FSTL5: variants seen among roughly 807,000 people sequenced by gnomAD.
The protein encoded by FSTL5 is follistatin-related protein 5.
FSTL5 carries 62 observed loss-of-function variants against 89.1 expected under a neutral mutation model. The ratio of observed to expected loss-of-function variants is 0.70; its 90% confidence interval spans 0.57 to 0.86. FSTL5 has a LOEUF of 0.86. Among genes scored for constraint, FSTL5 ranks in the 40% least tolerant of loss-of-function variants. The probability of loss-of-function intolerance (pLI) is 0.00; values close to 1 mark genes in which losing one functional copy is unlikely to be tolerated. For synonymous variants in FSTL5, 383 were observed against 346.2 expected, an observed-to-expected ratio of 1.11 and a Z score of -1.18; for missense variants, 1,057 against 1,001.6, an observed-to-expected ratio of 1.06 and a Z score of -0.75.
chr4:161,663,154 C>T (rs1274229681), intron 6 of FSTL5, among the ~76,000 whole-genome samples: 1 of 152,078 alleles, frequency 6.6e-6, no homozygotes, highest in Non-Finnish European at 1.5e-5. Context: ...TGGGTAGGGA[C>T]ACAGCCAAAT....
chr4:162,017,298 C>T (rs922650953), intron 3 of FSTL5, among the ~76,000 whole-genome samples: 21 of 152,148 alleles, frequency 1.4e-4, no homozygotes, highest in African/African-American at 4.8e-4. Flanking sequence ...TTCTTTACAA[C>T]ATCTCTACCT....
chr4:162,004,051 C>T (rs6855413), intron 3 of FSTL5, among the ~76,000 whole-genome samples: 5,593 of 152,168 alleles, frequency 0.037, 152 homozygotes, highest in South Asian at 0.088. Flanking sequence ...CTTCATAATA[C>T]GGCAGGTTAA....
At chr4:162,162,420 C>G (rs1307380443) in intron 1 of FSTL5, among the ~76,000 whole-genome samples, 2 of 151,972 alleles carry the variant, frequency 1.3e-5, no homozygotes, top group Non-Finnish European at 2.9e-5. Flanking sequence ...AACCTAAACT[C>G]TCTCTCTCTG....
At chr4:161,926,508 T>C (rs1352009077) in intron 3 of FSTL5, among the ~76,000 whole-genome samples, 1 of 151,644 alleles carries the variant, frequency 6.6e-6, no homozygotes, top group Non-Finnish European at 1.5e-5. Context: ...TAATTTCTGT[T>C]TCATGTTAAT....
intron 2 of FSTL5, among the ~76,000 whole-genome samples, chr4:162,074,704 A>T (rs1022415069): frequency 1.3e-5 from 2 of 151,792 alleles, no homozygotes; most frequent in African/African-American, 4.8e-5. Context: ...ATATGTATAC[A>T]TTGTGGGATG....
At chr4:161,621,774 G>C (rs575166644) in intron 7 of FSTL5, among the ~76,000 whole-genome samples, 1 of 149,256 alleles carries the variant, frequency 6.7e-6, no homozygotes, top group East Asian at 2.0e-4. Flanking sequence ...CTGAGGCCAG[G>C]AGTTCGAGAC....
At chr4:161,671,445 A>G (rs1435946075) in intron 6 of FSTL5, among the ~76,000 whole-genome samples, 1 of 152,186 alleles carries the variant, frequency 6.6e-6, no homozygotes, top group Non-Finnish European at 1.5e-5. Flanking sequence ...AGTTGCCGCT[A>G]AGACCTACGG....
intron 6 of FSTL5, among the ~76,000 whole-genome samples, chr4:161,738,550 A>G (rs1331823990): frequency 6.6e-6 from 1 of 150,398 alleles, no homozygotes; most frequent in Admixed American, 6.6e-5. Flanking sequence ...AGCTGGATTA[A>G]AAATGACCCA....
chr4:161,574,790 T>C (rs1733154093), intron 8 of FSTL5, among the ~76,000 whole-genome samples: 2 of 152,292 alleles, frequency 1.3e-5, no homozygotes, highest in South Asian at 4.1e-4. Flanking sequence ...CTATTGTAAA[T>C]AGTGCTCCAA....
At chr4:162,020,416 G>A (rs940637841) in intron 3 of FSTL5, among the ~76,000 whole-genome samples, 2 of 151,898 alleles carry the variant, frequency 1.3e-5, no homozygotes, top group African/African-American at 4.8e-5. Flanking sequence ...CACATATTAA[G>A]GCACTCAATA....
At position 161,659,778 on chromosome 4, in the gene FSTL5, A is replaced by G. The variant is rs570414628; in HGVS notation, c.728-3284T>C. Among the ~76,000 whole-genome samples, 4 of 152,326 alleles carry G rather than the reference A, an allele frequency of 2.6e-5. No homozygotes were observed. The South Asian group carries it at 8.3e-4, about 32-fold the overall frequency. On this transcript the variant is annotated intron_variant, in intron 6 of 15. Transcript: ENST00000306100. Reference sequence around the variant, plus strand: ...AAGAATTTTGAAACAAAATATTGAAAACAATCTTTTATTAACTATGGTTAA... The same window carrying G: ...AAGAATTTTGAAACAAAATATTGAAGACAATCTTTTATTAACTATGGTTAA...
At chr4:161,597,522 T>C (rs1363004581) in intron 7 of FSTL5, among the ~76,000 whole-genome samples, 1 of 150,948 alleles carries the variant, frequency 6.6e-6, no homozygotes, top group Non-Finnish European at 1.5e-5. Flanking sequence ...GAGATATACC[T>C]AATGTAAATG....
At chr4:161,868,100 T>C (rs1365259136) in intron 4 of FSTL5, among the ~76,000 whole-genome samples, 1 of 151,400 alleles carries the variant, frequency 6.6e-6, no homozygotes, top group Middle Eastern at 3.2e-3. Context: ...TAATTAAATA[T>C]GTAAATGTTT....
chr4:162,143,785 TACACACACACACACACACACACAC>T (rs70946245), intron 1 of FSTL5, among the ~76,000 whole-genome samples: 1 of 138,554 alleles, frequency 7.2e-6, no homozygotes, highest in African/African-American at 2.7e-5. Flanking sequence ...TGACTTTAAA[TACACACACACACACACACACACAC>T]ACACACACAC....
At chr4:161,623,774 C>T (rs1043393325) in intron 7 of FSTL5, among the ~76,000 whole-genome samples, 1 of 151,816 alleles carries the variant, frequency 6.6e-6, no homozygotes, top group East Asian at 1.9e-4. Context: ...AAAAAGCCTA[C>T]CGCTTTTTCA....
chr4:162,127,274 C>T (rs1241429165), intron 1 of FSTL5, among the ~76,000 whole-genome samples: 1 of 152,146 alleles, frequency 6.6e-6, no homozygotes, highest in East Asian at 1.9e-4. Context: ...TTTTCATTTC[C>T]CCTTTTATAT....
chr4:161,878,923 C>T (rs1357814582), intron 4 of FSTL5, among the ~76,000 whole-genome samples: 1 of 152,108 alleles, frequency 6.6e-6, no homozygotes, highest in Non-Finnish European at 1.5e-5. Context: ...CTACTGGGCT[C>T]AGAAATTTCT....
rs957778090 is a variant in FSTL5 at position 161,892,318 on chromosome 4, G to T, written c.409+28086C>A. ...CTAAATGCTCATTTTGTTATTTAAGGTTAAATTGTTTTAGGGATTAAAATA... is the reference window on the plus strand; with the variant it reads ...CTAAATGCTCATTTTGTTATTTAAGTTTAAATTGTTTTAGGGATTAAAATA... On this transcript the variant is annotated intron_variant, in intron 4 of 15. Coordinates refer to ENST00000306100, the MANE Select transcript of FSTL5 (RefSeq NM_020116.5). 1.8e-4 allele frequency among the ~76,000 whole-genome samples: 28 copies of T among 151,820 alleles called. 1 individual carries two copies. Among genetic ancestry groups the T allele is most frequent in the Non-Finnish European group, 8.8e-5 (6 of 67,864 alleles).
intron 13 of FSTL5, among the ~76,000 whole-genome samples, 196 bp from the exon 14 acceptor site, chr4:161,459,515 T>C (rs1025193365): frequency 6.6e-6 from 1 of 152,114 alleles, no homozygotes; most frequent in African/African-American, 2.4e-5. Context: ...GAATAAAGTA[T>C]TATCTTTCTA....
Sources: gnomAD v4.1 joint callset for allele counts (sites outside exome capture counted in the v4.1 genomes callset) on GRCh38, gnomAD v4.1.1 for gene constraint, MANE v1.5 for transcripts, NCBI Gene and HGNC (gene_info 2026-07-23, HGNC 2026-07-21) for gene names.